The following INPP4B variants were observed in gnomAD, a reference collection of about 807,000 sequenced individuals.
The protein encoded by INPP4B is inositol polyphosphate-4-phosphatase type II B, also known as inositol polyphosphate 4-phosphatase type II.
A neutral mutation model predicts 122.5 loss-of-function variants in INPP4B; 55 were observed. The observed-to-expected ratio is 0.45, with a 90% CI of 0.36 to 0.56. INPP4B has a LOEUF of 0.56. Ranked by LOEUF, INPP4B falls within the 20% of genes least tolerant of loss-of-function variation. INPP4B has a pLI of 0.00. For missense variants in INPP4B, 1,000 were observed against 1,097.7 expected (o/e 0.91, Z 1.26); for synonymous variants, 403 against 388.7 (o/e 1.04, Z -0.43).
intron 25 of INPP4B, among the ~76,000 whole-genome samples, chr4:142,042,512 G>GTGTA (rs774594649): frequency 2.2e-5 from 1 of 46,386 alleles, no homozygotes; most frequent in African/African-American, 6.5e-5. Flanking sequence ...CAATTTATGT[G>GTGTA]TGTGTGTATG....
At chr4:142,717,885 A>G (rs1444502136) in intron 2 of INPP4B, among the ~76,000 whole-genome samples, 1 of 150,626 alleles carries the variant, frequency 6.6e-6, no homozygotes, top group Non-Finnish European at 1.5e-5. Context: ...AACTTAACAT[A>G]TAATAATAAG....
intron 3 of INPP4B, among the ~76,000 whole-genome samples, chr4:142,450,711 T>C (rs1813960801): frequency 6.6e-6 from 1 of 152,166 alleles, no homozygotes; most frequent in South Asian, 2.1e-4. Flanking sequence ...GCTTTCCAGA[T>C]AAAAAACTAA....
intron 22 of INPP4B, among the ~76,000 whole-genome samples, chr4:142,112,195 G>C (rs1790543004): frequency 1.3e-5 from 2 of 152,086 alleles, no homozygotes; most frequent in African/African-American, 4.8e-5. Flanking sequence ...TTAAAAACTT[G>C]ATGCTATTAT....
At chr4:142,389,044 T>C (rs1345101216) in intron 7 of INPP4B, among the ~76,000 whole-genome samples, 1 of 151,990 alleles carries the variant, frequency 6.6e-6, no homozygotes, top group Non-Finnish European at 1.5e-5. Flanking sequence ...AAGGTCAGGA[T>C]TTCGAGACCA....
chr4:142,582,363 G>T (rs1246242360), intron 2 of INPP4B, among the ~76,000 whole-genome samples: 3 of 152,108 alleles, frequency 2.0e-5, no homozygotes, highest in African/African-American at 7.2e-5. Flanking sequence ...AGGAGCATAG[G>T]CAGTTTTATT....
intron 3 of INPP4B, among the ~76,000 whole-genome samples, chr4:142,458,156 C>G (rs1815882617): frequency 6.6e-6 from 1 of 152,034 alleles, no homozygotes; most frequent in South Asian, 2.1e-4. Flanking sequence ...GAACGTCAAG[C>G]ACAATATGTA....
chr4:142,374,019 C>CA (rs1474217111), intron 7 of INPP4B, among the ~76,000 whole-genome samples: 4 of 150,560 alleles, frequency 2.7e-5, no homozygotes, highest in East Asian at 1.9e-4. Context: ...AAACAGGTGG[C>CA]AAAAAAAAGG....
chr4:142,412,687 C>A (rs1194642402), intron 5 of INPP4B, among the ~76,000 whole-genome samples: 1 of 152,138 alleles, frequency 6.6e-6, no homozygotes, highest in Non-Finnish European at 1.5e-5. Context: ...CTTCTGTATT[C>A]TCTGTAAAAT....
intron 12 of INPP4B, among the ~76,000 whole-genome samples, chr4:142,235,170 G>C (rs1397699095): frequency 1.3e-5 from 2 of 152,034 alleles, no homozygotes; most frequent in African/African-American, 4.8e-5. Context: ...AAAGACAGCG[G>C]CTCATCCTTT....
intron 9 of INPP4B, among the ~76,000 whole-genome samples, chr4:142,287,922 G>A (rs912732498): frequency 6.6e-6 from 1 of 152,172 alleles, no homozygotes; most frequent in African/African-American, 2.4e-5. Flanking sequence ...GGGTTCTGGT[G>A]AGGGCTCTCT....
chr4:142,675,513 T>C (rs1757631139), intron 2 of INPP4B, among the ~76,000 whole-genome samples: 1 of 152,158 alleles, frequency 6.6e-6, no homozygotes, highest in Admixed American at 6.6e-5. Context: ...GCCATTATCC[T>C]GATACCAAAA....
intron 21 of INPP4B, 109 bp from the exon 22 acceptor site, chr4:142,112,791 G>T: frequency 1.0e-6 from 1 of 979,980 alleles, no homozygotes; most frequent in South Asian, 1.8e-5. Flanking sequence ...ACTGATTTAG[G>T]TTTCTGTTGC....
At position 142,797,400 on chromosome 4, in the gene INPP4B, C is replaced by T. The variant is rs776353681; in HGVS notation, c.-254+48809G>A. On this transcript the variant is annotated intron_variant, in intron 1 of 25. Transcript: ENST00000262992. ...TTCCATAAATGTCAGTCATGATTAC[C>T]ATCAGAAAAACAGGAAGATAAAGTC... Among the ~76,000 whole-genome samples, 15 of 151,714 alleles carry T rather than the reference C, an allele frequency of 9.9e-5. No individual in the cohort carries two copies. In the East Asian group the frequency reaches 2.9e-3, roughly 29 times the overall value.
rs140219776 is a variant in INPP4B, at chr4:142,347,024, C to G, written c.373-32262G>C. Among the ~76,000 whole-genome samples, 77 of 152,110 alleles carry G rather than the reference C, an allele frequency of 5.1e-4. 1 individual carries two copies. Among genetic ancestry groups the G allele is most frequent in the Middle Eastern group, 3.4e-3 (1 of 294 alleles). On this transcript the variant is annotated intron_variant, in intron 7 of 25. Coordinates refer to ENST00000262992, the MANE Select transcript of INPP4B (RefSeq NM_001101669.3). ...TTTGAGTAGATATAGCCCAGTCCTTCCTTATAAGAATGTTGAAACAACCTC... is the reference window on the plus strand; with the variant it reads ...TTTGAGTAGATATAGCCCAGTCCTTGCTTATAAGAATGTTGAAACAACCTC...
Position 142,583,544 on chromosome 4 carries a change from C to G in INPP4B, c.-190-120818G>C, listed in dbSNP as rs1580426993. On this transcript the variant is annotated intron_variant, in intron 2 of 25. Coordinates refer to ENST00000262992, the MANE Select transcript of INPP4B (RefSeq NM_001101669.3). Reference sequence around the variant, plus strand: ...CTCCAGTCCCTCACCTCAAGCAAACCTCATCAAGGTTTTCCGATTTCCAGA... The same window carrying G: ...CTCCAGTCCCTCACCTCAAGCAAACGTCATCAAGGTTTTCCGATTTCCAGA... 2.0e-5 allele frequency: 3 copies of G among 152,250 alleles called. No homozygotes were observed. The East Asian group carries it at 5.8e-4, about 30-fold the overall frequency. The allele number at this position is 152,250 out of a possible 1,614,324, so 9.4% of individuals were successfully genotyped here. A position where few individuals can be genotyped will look rare whatever the true frequency, so the allele number is the denominator to read the frequency against.
At chr4:142,069,598 A>G (rs978951543) in intron 25 of INPP4B, among the ~76,000 whole-genome samples, 4 of 152,184 alleles carry the variant, frequency 2.6e-5, no homozygotes, top group African/African-American at 9.7e-5. Flanking sequence ...AAGACTAATA[A>G]AGAAGAAAAA....
intron 2 of INPP4B, among the ~76,000 whole-genome samples, chr4:142,676,647 A>G (rs1374870898): frequency 3.9e-5 from 6 of 152,204 alleles, no homozygotes; most frequent in East Asian, 1.9e-4. Context: ...ACAGATATAT[A>G]GACCAATGGA....
At chr4:142,501,967 C>T (rs913243034) in intron 2 of INPP4B, among the ~76,000 whole-genome samples, 1 of 152,158 alleles carries the variant, frequency 6.6e-6, no homozygotes, top group Non-Finnish European at 1.5e-5. Flanking sequence ...AAAATCTCCA[C>T]TTCCTTCAAG....
chr4:142,508,361 C>T (rs1041282286), intron 2 of INPP4B, among the ~76,000 whole-genome samples: 2 of 152,152 alleles, frequency 1.3e-5, no homozygotes, highest in African/African-American at 2.4e-5. Flanking sequence ...GTAACCTCTG[C>T]TCCCAGATTC....
Sources: gnomAD v4.1 joint callset for allele counts (sites outside exome capture counted in the v4.1 genomes callset) on GRCh38, gnomAD v4.1.1 for gene constraint, MANE v1.5 for transcripts, NCBI Gene and HGNC (gene_info 2026-07-23, HGNC 2026-07-21) for gene names.